The following SETDB2 variants were observed in gnomAD, a reference collection of about 807,000 sequenced individuals.
SETDB2 encodes the protein histone-lysine N-methyltransferase SETDB2.
Under a neutral mutation model 82.5 loss-of-function variants are expected in SETDB2, and 56 were observed. That is an observed-to-expected ratio of 0.68 (90% CI 0.55 to 0.85). The LOEUF (loss-of-function observed/expected upper bound fraction) is 0.85. SETDB2 is among the 40% of genes least tolerant of loss of function. The pLI, the probability that SETDB2 is intolerant of heterozygous loss-of-function variation, is 0.00. For missense variants in SETDB2, 677 were observed against 816.4 expected, an observed-to-expected ratio of 0.83 and a Z score of 2.08; for synonymous variants, 272 against 284.9, an observed-to-expected ratio of 0.95 and a Z score of 0.46.
rs9568217 is a variant in SETDB2 at position 49,471,222 on chromosome 13, C to T, written c.305+3262C>T. ...GAACTCCTAGTCTCAAGCAGTCCTC[C>T]CTCCTCAGCTTCCCAAAGTGCTGGG... On this transcript the variant is annotated intron_variant, in intron 5 of 13. Coordinates refer to ENST00000611815, the MANE Select transcript of SETDB2 (RefSeq NM_001160308.3). 5.9e-4 allele frequency among the ~76,000 whole-genome samples: 89 copies of T among 151,998 alleles called. 4 individuals are homozygous for T. The East Asian group carries it at 0.014, about 24-fold the overall frequency.
intron 12 of SETDB2, 39 bp downstream of exon 12, chr13:49,488,669 GT>G: frequency 6.7e-7 from 1 of 1,484,794 alleles, no homozygotes; most frequent in Non-Finnish European, 9.0e-7. Context: ...CTGAACAACT[GT>G]TTTTTTCTAT....
chr13:49,477,170 C>A, intron 6 of SETDB2, 131 bp downstream of exon 6: 1 of 828,476 alleles, frequency 1.2e-6, no homozygotes, highest in Non-Finnish European at 1.8e-6. Context: ...GCGTGGTGGC[C>A]CACGTGTGTA....
At chr13:49,467,214 A>G (rs1469367125) in intron 4 of SETDB2, among the ~76,000 whole-genome samples, 2 of 152,054 alleles carry the variant, frequency 1.3e-5, no homozygotes, top group Non-Finnish European at 2.9e-5. Flanking sequence ...CCTGGCCAAC[A>G]TAAAATCCTG....
Position 49,451,864 on chromosome 13 carries a change from G to T in SETDB2, c.-30G>T, listed in dbSNP as rs772256822. On this transcript the variant is annotated 5_prime_UTR_variant, in exon 2 of 14. Transcript: ENST00000611815. ...GTGATTTGATAAACCTAATTTTGAAGCATTTTATATTTATAAGCGACATCA... is the reference window on the plus strand; with the variant it reads ...GTGATTTGATAAACCTAATTTTGAATCATTTTATATTTATAAGCGACATCA... The T allele has an allele frequency of 1.3e-6, 2 of 1,573,382 alleles. No homozygotes were observed. Among genetic ancestry groups the T allele is most frequent in the South Asian group, 2.3e-5 (2 of 87,184 alleles).
At position 49,493,969 on chromosome 13, in the gene SETDB2, G is replaced by T. The variant is rs577731364; in HGVS notation, c.*2120G>T. ...ACTAGGTGCCTGGTGGGATCATTCC[G>T]TCTGAAACTAATGATTTCCCATCTC... On this transcript the variant is annotated 3_prime_UTR_variant, in exon 14 of 14. Transcript: ENST00000611815. 2 of 152,118 alleles carry T rather than the reference G, an allele frequency of 1.3e-5. No individual in the cohort carries two copies. Among genetic ancestry groups the T allele is most frequent in the Non-Finnish European group, 2.9e-5 (2 of 68,028 alleles). The allele number at this position is 152,118 out of a possible 1,614,324, so 9.4% of individuals were successfully genotyped here.
intron 11 of SETDB2, 46 bp downstream of exon 11, chr13:49,485,769 C>T (rs1958585508): frequency 7.0e-7 from 1 of 1,436,166 alleles, no homozygotes; most frequent in South Asian, 1.1e-5. Flanking sequence ...CTGCCTGTTT[C>T]TCTGTCTCTT....
At chr13:49,483,175 A>T (rs1958513126) in intron 9 of SETDB2, among the ~76,000 whole-genome samples, 1 of 152,054 alleles carries the variant, frequency 6.6e-6, no homozygotes, top group African/African-American at 2.4e-5. Flanking sequence ...ACCTTATATG[A>T]CTTTAGTCAG....
intron 11 of SETDB2, among the ~76,000 whole-genome samples, chr13:49,487,672 T>C (rs1254142220): frequency 4.6e-5 from 7 of 152,218 alleles, no homozygotes; most frequent in Admixed American, 4.6e-4. Flanking sequence ...TCTCAAAAAA[T>C]TATTTTCCTT....
chr13:49,477,026 G>A lies in SETDB2; in HGVS notation c.856G>A (p.Gly286Ser), dbSNP rs1958379843. Reference protein sequence around the residue: ...MFTDSCDCSEGCIDITKCACL... With the variant: ...MFTDSCDCSESCIDITKCACL... ...TACTGATTCCTGTGACTGCTCTGAG[G>A]GCTGCATAGACATGTGAGTAGAAAA... is the stretch of plus-strand genomic sequence containing the variant. The change falls in exon 6 of 14, where the codon GGC (glycine) becomes AGC (serine). Residue 286 changes from glycine (G) to serine (S), a missense_variant. Coordinates refer to ENST00000611815, the MANE Select transcript of SETDB2 (RefSeq NM_001160308.3). The A allele has an allele frequency of 1.3e-6, 2 of 1,595,282 alleles. No homozygotes were observed. Among genetic ancestry groups the A allele is most frequent in the Non-Finnish European group, 1.7e-6 (2 of 1,174,882 alleles).
intron 5 of SETDB2, among the ~76,000 whole-genome samples, chr13:49,473,205 A>G (rs1170406435): frequency 6.6e-6 from 1 of 152,190 alleles, no homozygotes; most frequent in Non-Finnish European, 1.5e-5. Flanking sequence ...AGTCATCTAC[A>G]TTAATATTTA....
chr13:49,466,050 C>G lies in SETDB2; in HGVS notation c.209-1814C>G, dbSNP rs1010476873. ...TTGATTGGCTACTGTTGATTACACT[C>G]TAAGTGGGTTGTCCAACATTCTGTT... On this transcript the variant is annotated intron_variant, in intron 4 of 13. Transcript: ENST00000611815. Among the ~76,000 whole-genome samples, 15 of 152,274 alleles carry G rather than the reference C, an allele frequency of 9.9e-5. No individual in the cohort carries two copies. The East Asian group carries it at 2.9e-3, about 29-fold the overall frequency.
chr13:49,462,800 A>T (rs1258951782), intron 4 of SETDB2, among the ~76,000 whole-genome samples: 1 of 152,182 alleles, frequency 6.6e-6, no homozygotes, highest in Non-Finnish European at 1.5e-5. Flanking sequence ...ACCATTTGGT[A>T]TTCAAAGTAT....
rs1453290331 is a variant in SETDB2 at position 49,482,939 on chromosome 13, T to G, written c.1359T>G (p.Ser453Arg). Residue 453 changes from serine (S) to arginine (R), a missense_variant, in exon 9 of 14, where the codon AGT becomes AGG. Physicochemically the swap from Ser to Arg is moderately radical, Grantham distance 110. Transcript: ENST00000611815. The stretch of plus-strand genomic sequence containing the variant: ...CTGAGAAATGTCCACCAAAGTTCAG[T>G]AATAATCCCAAGGAGCTTACTGTGT... ...AKTEKCPPKF[S>R]NNPKELTVET... 5.0e-6 allele frequency: 8 copies of G among 1,611,550 alleles called. No homozygotes were observed. The African/African-American group carries it at 8.0e-5, about 16-fold the overall frequency.
At chr13:49,460,857 T>A (rs1256577983) in intron 3 of SETDB2, among the ~76,000 whole-genome samples, 1 of 152,206 alleles carries the variant, frequency 6.6e-6, no homozygotes, top group African/African-American at 2.4e-5. Context: ...TCCTTGTCAA[T>A]CCTTCATGAG....
chr13:49,454,227 A>T (rs1378224426), intron 2 of SETDB2, among the ~76,000 whole-genome samples: 2 of 151,948 alleles, frequency 1.3e-5, no homozygotes, highest in Non-Finnish European at 2.9e-5. Flanking sequence ...ACATGGCAAA[A>T]TCCTGTCTCT....
intron 12 of SETDB2, among the ~76,000 whole-genome samples, chr13:49,490,055 T>G (rs1399958395): frequency 6.7e-6 from 1 of 149,686 alleles, no homozygotes; most frequent in East Asian, 2.0e-4. Context: ...GGCAGGCAGA[T>G]CACTTGAGGT....
intron 5 of SETDB2, 128 bp from the exon 6 acceptor site, chr13:49,476,348 T>C (rs1187231115): frequency 4.3e-6 from 3 of 697,670 alleles, no homozygotes; most frequent in Non-Finnish European, 7.0e-6. Context: ...TAGAACATCT[T>C]AAAATGTGTA....
intron 10 of SETDB2, among the ~76,000 whole-genome samples, chr13:49,485,008 G>A (rs914862348): frequency 1.3e-5 from 2 of 152,212 alleles, no homozygotes; most frequent in African/African-American, 4.8e-5. Context: ...GATTAAATGA[G>A]ATAAGCATCA....
At chr13:49,475,553 C>A (rs545450095) in intron 5 of SETDB2, among the ~76,000 whole-genome samples, 1 of 151,636 alleles carries the variant, frequency 6.6e-6, no homozygotes, top group Admixed American at 6.6e-5. Flanking sequence ...ATGGTGTGAT[C>A]ATGATTCACT....
Sources: gnomAD v4.1 joint callset for allele counts (sites outside exome capture counted in the v4.1 genomes callset) on GRCh38, gnomAD v4.1.1 for gene constraint, MANE v1.5 for transcripts, NCBI Gene and HGNC (gene_info 2026-07-23, HGNC 2026-07-21) for gene names.